MAP3K5: variants seen among roughly 807,000 people sequenced by gnomAD.
MAP3K5 encodes the protein mitogen-activated protein kinase kinase kinase 5, also known as ASK-1.
In MAP3K5, 56 loss-of-function variants were observed where a neutral mutation model predicts 158.7. That is an observed-to-expected ratio of 0.35 (90% CI 0.28 to 0.44). The LOEUF (loss-of-function observed/expected upper bound fraction) is 0.44. MAP3K5 is among the 20% of genes least tolerant of loss of function. The pLI is 1.00. For missense variants in MAP3K5, 1,294 were observed against 1,674.8 expected (o/e 0.77, Z 3.97); for synonymous variants, 579 against 601.7 (o/e 0.96, Z 0.55).
intron 25 of MAP3K5, among the ~76,000 whole-genome samples, chr6:136,574,328 G>A (rs2237263): frequency 0.15 from 22,160 of 152,186 alleles, 1,726 homozygotes; most frequent in African/African-American, 0.19. Flanking sequence ...CTCCTCGTAC[G>A]TACACAATGC....
chr6:136,663,412 C>T (rs937973838), intron 8 of MAP3K5, among the ~76,000 whole-genome samples: 1 of 152,116 alleles, frequency 6.6e-6, no homozygotes, highest in African/African-American at 2.4e-5. Context: ...ACAGCATATA[C>T]CTAAAATATC....
At chr6:136,642,203 C>T (rs1778012494) in intron 12 of MAP3K5, among the ~76,000 whole-genome samples, 1 of 151,944 alleles carries the variant, frequency 6.6e-6, no homozygotes, top group East Asian at 1.9e-4. Flanking sequence ...TTACATAAAC[C>T]AACAGCTCAG....
At chr6:136,675,089 T>A (rs974400767) in intron 7 of MAP3K5, among the ~76,000 whole-genome samples, 3 of 151,658 alleles carry the variant, frequency 2.0e-5, no homozygotes, top group African/African-American at 7.3e-5. Flanking sequence ...AAAATTATTA[T>A]AAGAGAAAAA....
At chr6:136,758,423 A>G (rs1783600545) in intron 1 of MAP3K5, among the ~76,000 whole-genome samples, 1 of 152,246 alleles carries the variant, frequency 6.6e-6, no homozygotes, top group South Asian at 2.1e-4. Flanking sequence ...CTGAATTTAC[A>G]CTGCATTTAT....
chr6:136,684,736 C>T (rs1421130529), intron 7 of MAP3K5, among the ~76,000 whole-genome samples: 2 of 152,170 alleles, frequency 1.3e-5, no homozygotes, highest in South Asian at 2.1e-4. Context: ...TAGCATGTGA[C>T]GGGCACCACT....
At chr6:136,651,180 G>A (rs1195213833) in intron 10 of MAP3K5, 89 bp from the exon 11 acceptor site, 3 of 618,932 alleles carry the variant, frequency 4.8e-6, no homozygotes, top group Admixed American at 2.8e-5. Flanking sequence ...CCAACGTAGA[G>A]GATTATTGCA....
intron 1 of MAP3K5, among the ~76,000 whole-genome samples, chr6:136,764,597 C>A (rs1488889882): frequency 6.6e-6 from 1 of 152,144 alleles, no homozygotes; most frequent in Admixed American, 6.5e-5. Context: ...CCACTCAACC[C>A]ACTAAATTGT....
intron 1 of MAP3K5, among the ~76,000 whole-genome samples, chr6:136,773,669 A>ACTGTTTC (rs1784298231): frequency 6.6e-6 from 1 of 151,964 alleles, no homozygotes; most frequent in Non-Finnish European, 1.5e-5. Context: ...GTTTTCTGAG[A>ACTGTTTC]CAGAGTCTGG....
chr6:136,763,316 T>C (rs1039213831), intron 1 of MAP3K5, among the ~76,000 whole-genome samples: 4 of 152,232 alleles, frequency 2.6e-5, no homozygotes, highest in Admixed American at 6.5e-5. Context: ...TTTTACAAGA[T>C]TGTTCATTGC....
Position 136,698,556 on chromosome 6 carries a change from C to G in MAP3K5, c.739G>C (p.Gly247Arg). ...TCCACAAGAGGTAAGCAGATGGGTC[C>G]AAGAAGCAGCTCGAAGTTCGGTTGC... Reference protein sequence around the residue: ...LMQPNFELLLGPICLPLVDRF... With the variant: ...LMQPNFELLLRPICLPLVDRF... Residue 247 changes from glycine to arginine, a missense_variant, in exon 4 of 30, where the codon GGA becomes CGA. Transcript: ENST00000359015. 3.1e-6 allele frequency: 5 copies of G among 1,614,016 alleles called. No individual in the cohort carries two copies. The highest frequency in any genetic ancestry group is 4.2e-6 in the Non-Finnish European group (5 of 1,179,976).
At chr6:136,627,490 T>C (rs1434047903) in intron 14 of MAP3K5, among the ~76,000 whole-genome samples, 1 of 152,216 alleles carries the variant, frequency 6.6e-6, no homozygotes, top group Non-Finnish European at 1.5e-5. Flanking sequence ...ATGGTCTGAA[T>C]GTTTGCGTAC....
At chr6:136,618,582 G>T (rs1156845801) in intron 15 of MAP3K5, among the ~76,000 whole-genome samples, 1 of 152,196 alleles carries the variant, frequency 6.6e-6, no homozygotes, top group Non-Finnish European at 1.5e-5. Flanking sequence ...GTGGCTAAAG[G>T]TTAGTGAATT....
intron 1 of MAP3K5, among the ~76,000 whole-genome samples, chr6:136,787,950 C>T (rs1020038355): frequency 2.0e-5 from 3 of 152,180 alleles, no homozygotes; most frequent in Admixed American, 2.0e-4. Context: ...ATGGTTTTTA[C>T]ATTTTAAAAT....
intron 25 of MAP3K5, among the ~76,000 whole-genome samples, chr6:136,574,707 GAGA>G (rs1774523473): frequency 7.6e-5 from 2 of 26,338 alleles, no homozygotes; most frequent in East Asian, 1.2e-3. Context: ...TTTTTTTTTT[GAGA>G]AGGAGTCTCG....
chr6:136,659,761 A>G (rs1778923892), intron 8 of MAP3K5, among the ~76,000 whole-genome samples: 1 of 152,230 alleles, frequency 6.6e-6, no homozygotes, highest in Non-Finnish European at 1.5e-5. Context: ...CAGAGTTTTA[A>G]TTTGGAAGAT....
intron 9 of MAP3K5, 50 bp from the exon 10 acceptor site, chr6:136,656,510 T>G (rs1227579316): frequency 2.6e-6 from 3 of 1,150,010 alleles, no homozygotes; most frequent in Non-Finnish European, 3.7e-6. Context: ...TAGAACCACC[T>G]GTTCCCATGT....
intron 26 of MAP3K5, among the ~76,000 whole-genome samples, chr6:136,565,648 T>C (rs1297772999): frequency 6.6e-6 from 1 of 152,236 alleles, no homozygotes. Flanking sequence ...ACACTAACAT[T>C]TCCTCTAGAT....
intron 8 of MAP3K5, among the ~76,000 whole-genome samples, chr6:136,660,670 T>C (rs1337752512): frequency 1.3e-5 from 2 of 152,226 alleles, no homozygotes; most frequent in African/African-American, 2.4e-5. Flanking sequence ...GCCACTAACA[T>C]CCATCACATT....
chr6:136,786,207 C>T (rs1784837635), intron 1 of MAP3K5, among the ~76,000 whole-genome samples: 2 of 152,068 alleles, frequency 1.3e-5, no homozygotes, highest in East Asian at 3.9e-4. Flanking sequence ...GAAACCCTGT[C>T]TCTACTAATA....
Sources: gnomAD v4.1 joint callset for allele counts (sites outside exome capture counted in the v4.1 genomes callset) on GRCh38, gnomAD v4.1.1 for gene constraint, MANE v1.5 for transcripts, NCBI Gene and HGNC (gene_info 2026-07-23, HGNC 2026-07-21) for gene names.